Variants in CLEC12A observed in about 807,000 individuals in gnomAD.
The protein encoded by CLEC12A is C-type lectin domain family 12 member A, also known as C-type lectin protein CLL-1.
A neutral mutation model predicts 26.5 loss-of-function variants in CLEC12A; 22 were observed. The ratio of observed to expected loss-of-function variants is 0.83; its 90% CI spans 0.59 to 1.19. CLEC12A has a LOEUF of 1.19. CLEC12A is among the 50% of genes most tolerant of loss of function. CLEC12A has a pLI of 0.00. For missense variants in CLEC12A, 353 were observed against 315.6 expected (o/e 1.12, Z -0.90); for synonymous variants, 119 against 101.9 (o/e 1.17, Z -1.01).
chr12:9,953,695 C>G (rs1403479464), intron 1 of CLEC12A, among the ~76,000 whole-genome samples: 1 of 151,716 alleles, frequency 6.6e-6, no homozygotes, highest in African/African-American at 2.4e-5. Flanking sequence ...GGCCACCACC[C>G]CGTCTGGGAG....
At chr12:9,969,167 A>T (rs1465354615), upstream of CLEC12A, among the ~76,000 whole-genome samples, 7 of 152,234 alleles carry the variant, frequency 4.6e-5, no homozygotes. Context: ...AACAAATTCT[A>T]GTATTTGATA....
rs1301469442 is a variant in CLEC12A at position 9,985,297 on chromosome 12, C to A, written c.*271C>A. 3 of 401,404 alleles carry A rather than the reference C, an allele frequency of 7.5e-6. No homozygotes were observed. Among genetic ancestry groups the A allele is most frequent in the Non-Finnish European group, 1.3e-5 (3 of 230,078 alleles). The allele number at this position is 401,404 out of a possible 1,614,324, so 24.9% of individuals were successfully genotyped here. A position where few individuals can be genotyped will look rare whatever the true frequency, so the allele number is the denominator to read the frequency against. ...AGTCCATTCAGATAGTTGTGGGGGG[C>A]CTTCGAATTTTCATTTTCATTTACG... is the stretch of plus-strand genomic sequence containing the variant. On this transcript the variant is annotated 3_prime_UTR_variant, in exon 6 of 6. Coordinates refer to ENST00000304361, the MANE Select transcript of CLEC12A (RefSeq NM_138337.6).
chr12:9,964,750 G>T (rs529999491), intron 1 of CLEC12A, among the ~76,000 whole-genome samples: 1 of 152,278 alleles, frequency 6.6e-6, no homozygotes, highest in East Asian at 1.9e-4. Flanking sequence ...GAGGTGGGCT[G>T]GTGACTTGTA....
At chr12:9,954,478 G>A (rs958647085) in intron 1 of CLEC12A, among the ~76,000 whole-genome samples, 9 of 150,874 alleles carry the variant, frequency 6.0e-5, no homozygotes, top group Admixed American at 1.3e-4. Flanking sequence ...CCTGGGTGAC[G>A]GAGATCCTGT....
rs190925857 is a variant in CLEC12A, at chr12:9,964,492, T to C, written c.11-7085T>C. 4.7e-3 allele frequency among the ~76,000 whole-genome samples: 721 copies of C among 152,058 alleles called. 7 individuals carry two copies. The highest frequency in any genetic ancestry group is 0.029 in the South Asian group (138 of 4,798). Reference sequence around the variant, plus strand: ...ATGGGAATGAGAATAAGATTGAGTATAAAAGTAAAGAATAGAACTTCATCA... The same window carrying C: ...ATGGGAATGAGAATAAGATTGAGTACAAAAGTAAAGAATAGAACTTCATCA... On this transcript the variant is annotated intron_variant, in intron 1 of 6. Coordinates refer to the CLEC12A transcript ENST00000355690.
At chr12:9,972,210 TGTTAA>T (rs1864158469) in intron 1 of CLEC12A, among the ~76,000 whole-genome samples, 1 of 152,030 alleles carries the variant, frequency 6.6e-6, no homozygotes, top group Non-Finnish European at 1.5e-5. Context: ...AAATAAAACA[TGTTAA>T]GTTAAATGAA....
chr12:9,979,918 A>T (rs1050669910), intron 3 of CLEC12A, among the ~76,000 whole-genome samples: 1 of 152,206 alleles, frequency 6.6e-6, no homozygotes, highest in Non-Finnish European at 1.5e-5. Context: ...AGAAAAAAAT[A>T]AATTGAGACT....
chr12:9,996,904 T>C, downstream of CLEC12A: 1 of 1,613,970 alleles, frequency 6.2e-7, no homozygotes, highest in Non-Finnish European at 8.5e-7. Context: ...GCAGTACTGC[T>C]TACTCTCTTC....
intron 1 of CLEC12A, among the ~76,000 whole-genome samples, chr12:9,965,283 G>A (rs1863910897): frequency 6.6e-6 from 1 of 152,134 alleles, no homozygotes; most frequent in Non-Finnish European, 1.5e-5. Flanking sequence ...AAGGAAAGGA[G>A]TTGTTGTTTT....
At chr12:9,978,854 C>A in intron 1 of CLEC12A, 112 bp from the exon 2 acceptor site, 2 of 731,358 alleles carry the variant, frequency 2.7e-6, no homozygotes, top group Non-Finnish European at 4.8e-6. Flanking sequence ...CATTTCTTTC[C>A]AATAGGCATA....
chr12:9,964,429 G>A (rs140525722), intron 1 of CLEC12A, among the ~76,000 whole-genome samples: 10 of 152,266 alleles, frequency 6.6e-5, no homozygotes, highest in African/African-American at 2.4e-4. Context: ...TTATAGTGTG[G>A]TGGAGATAGC....
intron 4 of CLEC12A, chr12:9,994,964 T>C: frequency 6.7e-7 from 1 of 1,483,984 alleles, no homozygotes; most frequent in Non-Finnish European, 9.0e-7. Context: ...AGCAAAGTAA[T>C]GGGAGAGAGG....
chr12:9,997,027 G>C, downstream of CLEC12A: 1 of 1,612,382 alleles, frequency 6.2e-7, no homozygotes, highest in Non-Finnish European at 8.5e-7. Flanking sequence ...CAGGAATGGT[G>C]TATTTTTTCT....
exon 1 of CLEC12A, chr12:9,951,328 T>G: frequency 2.8e-6 from 2 of 702,984 alleles, no homozygotes; most frequent in Non-Finnish European, 5.2e-6. Context: ...AAGAACAGCC[T>G]TTCAAATTTG....
intron 1 of CLEC12A, among the ~76,000 whole-genome samples, chr12:9,973,542 G>C (rs770750): frequency 0.59 from 90,236 of 151,864 alleles, 27,115 homozygotes; most frequent in East Asian, 0.81. Context: ...TATCCACCCA[G>C]TCTGCCCCAG....
intron 1 of CLEC12A, among the ~76,000 whole-genome samples, chr12:9,964,203 G>T (rs957166016): frequency 1.3e-5 from 2 of 152,210 alleles, no homozygotes; most frequent in African/African-American, 4.8e-5. Context: ...GTCTGGGGAG[G>T]TCTAGCTGGA....
chr12:9,968,401 A>G (rs1864017256), upstream of CLEC12A, among the ~76,000 whole-genome samples: 1 of 151,982 alleles, frequency 6.6e-6, no homozygotes. Context: ...GGGCTGTTTT[A>G]TAAGATTTGG....
the CLEC12A span, among the ~76,000 whole-genome samples, chr12:10,004,164 G>A: frequency 4.6e-5 from 7 of 152,172 alleles, no homozygotes; most frequent in African/African-American, 1.4e-4. Flanking sequence ...GTAGTGTCTA[G>A]GGGTGGGTGC....
chr12:9,987,959 C>T (rs1219796296), downstream of CLEC12A, among the ~76,000 whole-genome samples: 1 of 152,038 alleles, frequency 6.6e-6, no homozygotes, highest in Non-Finnish European at 1.5e-5. Flanking sequence ...CAGGTGCCCA[C>T]CATCACACCT....
Sources: allele counts gnomAD v4.1 joint callset (sites outside exome capture counted in the v4.1 genomes callset), GRCh38; gene constraint gnomAD v4.1.1; transcripts MANE v1.5; gene names NCBI Gene and HGNC (gene_info 2026-07-23, HGNC 2026-07-21).